SEC31A: variants seen among roughly 807,000 people sequenced by gnomAD.
The protein encoded by SEC31A is SEC31 homolog A, COPII component.
A neutral mutation model predicts 151.0 loss-of-function variants in SEC31A; 70 were observed. The ratio of observed to expected loss-of-function variants is 0.46; its 90% CI spans 0.38 to 0.57. The LOEUF (loss-of-function observed/expected upper bound fraction) is 0.57, where lower values mean the gene tolerates loss of function less well. SEC31A is among the 20% of genes least tolerant of loss of function. SEC31A has a pLI of 0.00. For synonymous variants in SEC31A, 475 were observed against 505.9 expected, an observed-to-expected ratio of 0.94 and a Z score of 0.82; for missense variants, 1,330 against 1,471.2, an observed-to-expected ratio of 0.90 and a Z score of 1.57.
intron 1 of SEC31A, 57 bp downstream of exon 1, chr4:82,891,031 C>A (rs894494419): frequency 1.3e-6 from 2 of 1,534,480 alleles, no homozygotes; most frequent in African/African-American, 1.4e-5. Flanking sequence ...TTGGCCTGGG[C>A]TCTACCTCAA....
chr4:82,818,910 T>TAAAA lies in SEC31A; in HGVS notation c.*163_*164insTTTT, dbSNP rs1722756185. The TAAAA allele has an allele frequency of 2.3e-6, 1 of 437,758 alleles. No individual in the cohort carries two copies. Among genetic ancestry groups the TAAAA allele is most frequent in the Middle Eastern group, 4.6e-4 (1 of 2,160 alleles). 27.1% of individuals were successfully genotyped at this position (437,758 alleles called of 1,614,324 possible). ...TAAAACAAAAATAAAGCACCAGGGT[T>TAAAA]CTGAGCAGTTCTAAGGTGAGTATAT... On this transcript the variant is annotated 3_prime_UTR_variant, in exon 27 of 27. Transcript: ENST00000395310.
chr4:82,849,088 T>TACCCA, intron 19 of SEC31A, 111 bp from the exon 20 acceptor site: 9 of 983,674 alleles, frequency 9.1e-6, no homozygotes, highest in Non-Finnish European at 1.2e-5. Flanking sequence ...TTGTTCATAA[T>TACCCA]GCTGGGTATT....
In SEC31A at chr4:82,819,199, G is replaced by A. The variant is rs761558061; in HGVS notation, c.3538C>T (p.Arg1180Ter). Residue 1180 changes from arginine (R) to a stop codon, truncating the protein, a stop_gained, in exon 27 of 27, where the codon CGA becomes TGA. Transcript: ENST00000395310. LOFTEE classifies it high-confidence loss of function. ...LHNIARSIET[R>*]NYSEGLTMHT... ...ATGGTCAATCCTTCTGAGTAGTTTC[G>A]AGTTTCAATGCTCCTTGCAATGTTG... is the stretch of plus-strand genomic sequence containing the variant. The A allele has an allele frequency of 3.1e-6, 5 of 1,610,994 alleles. No homozygotes were observed. Among genetic ancestry groups the A allele is most frequent in the Non-Finnish European group, 4.2e-6 (5 of 1,178,666 alleles).
intron 23 of SEC31A, among the ~76,000 whole-genome samples, chr4:82,828,673 C>CAAAAA (rs397994259): frequency 0.15 from 6,403 of 44,114 alleles, 719 homozygotes; most frequent in East Asian, 0.27. Flanking sequence ...CAAAGTAACT[C>CAAAAA]AAAAAAAAAA....
chr4:82,821,937 A>C (rs1723458860), intron 25 of SEC31A, among the ~76,000 whole-genome samples: 1 of 152,182 alleles, frequency 6.6e-6, no homozygotes, highest in Non-Finnish European at 1.5e-5. Flanking sequence ...TAAGCCTTTA[A>C]AGCACCAAGA....
At chr4:82,853,533 A>G in intron 18 of SEC31A, 37 bp downstream of exon 18, 1 of 1,520,046 alleles carries the variant, frequency 6.6e-7, no homozygotes, top group Non-Finnish European at 8.8e-7. Context: ...GAAAGACAAC[A>G]CTAAAAATTA....
At chr4:82,862,669 A>G (rs1734462083) in intron 12 of SEC31A, 97 bp from the exon 13 acceptor site, 2 of 1,034,730 alleles carry the variant, frequency 1.9e-6, no homozygotes, top group African/African-American at 1.6e-5. Context: ...AAAATCCACA[A>G]AAGTTCTTAT....
upstream of SEC31A, chr4:82,895,573 A>G (rs1430728501): frequency 6.6e-6 from 1 of 152,272 alleles, no homozygotes; most frequent in African/African-American, 2.4e-5. Flanking sequence ...AAGAGTAAGG[A>G]AAAGAAATTT....
In SEC31A at chr4:82,864,545, T is replaced by G; in HGVS notation, c.1251A>C (p.Gly417=). The change falls in exon 11 of 27, where the codon GGA becomes GGC. Residue 417 remains glycine, a synonymous_variant. Coordinates refer to ENST00000395310, the MANE Select transcript of SEC31A (RefSeq NM_001077207.4). ...GGTGCTGCTGCTGCTGCTGCTCAGC[T>G]CCCTGATGAGAAGGCATTCTGACAT... ...FENVRMPSHQ[G]AEQQQQQHHV... 6.2e-7 allele frequency: 1 copy of G among 1,614,100 alleles called. No individual in the cohort carries two copies. Among genetic ancestry groups the G allele is most frequent in the East Asian group, 2.2e-5 (1 of 44,874 alleles).
At chr4:82,878,020 A>C (rs1022388440) in intron 4 of SEC31A, 3 of 152,186 alleles carry the variant, frequency 2.0e-5, no homozygotes, top group African/African-American at 7.2e-5. Flanking sequence ...TATTTCATAG[A>C]GTATTAATCT....
At chr4:82,854,178 A>G (rs1732076507) in intron 17 of SEC31A, among the ~76,000 whole-genome samples, 1 of 152,194 alleles carries the variant, frequency 6.6e-6, no homozygotes, top group Non-Finnish European at 1.5e-5. Flanking sequence ...AGCCTGGCCA[A>G]CATGGTGAAA....
At chr4:82,860,094 T>G (rs1475994456) in intron 14 of SEC31A, among the ~76,000 whole-genome samples, 1 of 152,000 alleles carries the variant, frequency 6.6e-6, no homozygotes, top group Non-Finnish European at 1.5e-5. Context: ...GCCTGGCCAC[T>G]TTTCTTTTTT....
intron 3 of SEC31A, among the ~76,000 whole-genome samples, chr4:82,897,171 A>T (rs1222831326): frequency 6.6e-6 from 1 of 152,248 alleles, no homozygotes; most frequent in Non-Finnish European, 1.5e-5. Context: ...CACTTGTCTA[A>T]TAACAGAAGC....
intron 23 of SEC31A, among the ~76,000 whole-genome samples, chr4:82,828,740 G>C (rs1725228971): frequency 6.9e-6 from 1 of 145,728 alleles, no homozygotes. Context: ...TTTTGAAAGA[G>C]GCCTGTTGGG....
At chr4:82,850,001 A>G (rs1277061187) in intron 19 of SEC31A, among the ~76,000 whole-genome samples, 1 of 152,150 alleles carries the variant, frequency 6.6e-6, no homozygotes, top group Non-Finnish European at 1.5e-5. Context: ...TTACAATGCT[A>G]TCACAAAGTC....
At chr4:82,856,886 T>C (rs979831412) in intron 16 of SEC31A, 66 bp downstream of exon 16, 13 of 1,300,166 alleles carry the variant, frequency 1.0e-5, no homozygotes, top group African/African-American at 1.5e-5. Flanking sequence ...TTATCTATAA[T>C]AACAGTGTAT....
intron 14 of SEC31A, among the ~76,000 whole-genome samples, chr4:82,858,976 C>T (rs1383873532): frequency 1.3e-5 from 2 of 152,094 alleles, no homozygotes; most frequent in Non-Finnish European, 2.9e-5. Flanking sequence ...GCTGGGATTA[C>T]AGGCGTGAGC....
intron 1 of SEC31A, among the ~76,000 whole-genome samples, chr4:82,887,842 AG>A (rs1741098864): frequency 1.4e-5 from 2 of 145,746 alleles, no homozygotes; most frequent in South Asian, 4.4e-4. Context: ...GCGGATCACG[AG>A]GTCAGGAGAT....
chr4:82,867,989 T>C (rs940975376), intron 8 of SEC31A, among the ~76,000 whole-genome samples: 4 of 152,220 alleles, frequency 2.6e-5, no homozygotes, highest in African/African-American at 9.6e-5. Flanking sequence ...ATTGTTTTTG[T>C]CTGGTAAGAC....
Sources: gnomAD v4.1 joint callset for allele counts (sites outside exome capture counted in the v4.1 genomes callset) on GRCh38, gnomAD v4.1.1 for gene constraint, MANE v1.5 for transcripts, NCBI Gene and HGNC (gene_info 2026-07-23, HGNC 2026-07-21) for gene names.